The following ARHGEF37 variants were observed in gnomAD, a reference collection of about 807,000 sequenced individuals.
ARHGEF37 encodes the protein Rho guanine nucleotide exchange factor (GEF) 37.
ARHGEF37 carries 55 observed loss-of-function variants against 71.1 expected under a neutral mutation model. The ratio of observed to expected loss-of-function variants is 0.77; its 90% CI spans 0.62 to 0.97. ARHGEF37 has a LOEUF of 0.97. Among genes scored for constraint, ARHGEF37 ranks in the 50% least tolerant of loss-of-function variants. The probability of loss-of-function intolerance (pLI) is 0.00; values close to 1 mark genes in which losing one functional copy is unlikely to be tolerated. For missense variants in ARHGEF37, 765 were observed against 836.8 expected (o/e 0.91, Z 1.06); for synonymous variants, 327 against 350.6 (o/e 0.93, Z 0.75).
chr5:149,629,017 G>A (rs1348796344), intron 12 of ARHGEF37, 51 bp downstream of exon 12: 3 of 1,566,044 alleles, frequency 1.9e-6, no homozygotes, highest in African/African-American at 2.7e-5. Context: ...CATCCGGACT[G>A]TGGCTTGGAT....
chr5:149,618,214 G>T lies in ARHGEF37; in HGVS notation c.697G>T (p.Glu233Ter). 1 of 1,614,206 alleles carries T rather than the reference G, an allele frequency of 6.2e-7. No individual in the cohort carries two copies. Among genetic ancestry groups the T allele is most frequent in the South Asian group, 1.1e-5 (1 of 91,082 alleles). The part of the protein sequence containing the change: ...YTKVEQLTLR[E>*]RLARINTHTL... ...CAAGGTAGAGCAGCTGACCCTCCGG[G>T]AGCGGCTGGCCCGCATCAACACACA... Residue 233 changes from glutamate (E) to a stop codon, truncating the protein, a stop_gained, in exon 6 of 13, where the codon GAG becomes TAG. Transcript: ENST00000333677. LOFTEE classifies it high-confidence loss of function.
intron 1 of ARHGEF37, among the ~76,000 whole-genome samples, chr5:149,554,703 CCTT>C (rs1348385132): frequency 6.6e-6 from 1 of 150,976 alleles, no homozygotes; most frequent in African/African-American, 2.4e-5. Flanking sequence ...TATGACTCAG[CCTT>C]CTTCTTAAAG....
chr5:149,625,039 C>T (rs1752645528), intron 10 of ARHGEF37, among the ~76,000 whole-genome samples: 1 of 151,210 alleles, frequency 6.6e-6, no homozygotes, highest in African/African-American at 2.4e-5. Flanking sequence ...GCTGGGATTA[C>T]AGGCACCCAC....
At chr5:149,554,219 C>A (rs888832596) in intron 1 of ARHGEF37, among the ~76,000 whole-genome samples, 2 of 152,150 alleles carry the variant, frequency 1.3e-5, no homozygotes, top group Non-Finnish European at 2.9e-5. Context: ...AATCCCAACA[C>A]TTTGGGAGGC....
intron 11 of ARHGEF37, 27 bp from the exon 12 acceptor site, chr5:149,628,782 C>T: frequency 1.3e-6 from 2 of 1,596,398 alleles, no homozygotes; most frequent in Non-Finnish European, 1.7e-6. Context: ...TGGCCCGCAG[C>T]CTGCTAACCT....
At chr5:149,587,791 G>A (rs927626716) in intron 1 of ARHGEF37, among the ~76,000 whole-genome samples, 2 of 152,034 alleles carry the variant, frequency 1.3e-5, no homozygotes, top group Non-Finnish European at 2.9e-5. Context: ...CTTTGTACAG[G>A]ATCCTCCCTT....
intron 3 of ARHGEF37, among the ~76,000 whole-genome samples, chr5:149,602,279 A>C (rs1191450640): frequency 6.6e-6 from 1 of 151,678 alleles, no homozygotes; most frequent in African/African-American, 2.4e-5. Context: ...CTTGTCTTGA[A>C]CTCATGACCT....
At chr5:149,558,121 C>T (rs2113229027) in intron 1 of ARHGEF37, among the ~76,000 whole-genome samples, 1 of 152,264 alleles carries the variant, frequency 6.6e-6, no homozygotes, top group African/African-American at 2.4e-5. Flanking sequence ...ATCCACCTGA[C>T]TTGGCCTCCC....
chr5:149,562,751 C>T (rs1218063125), intron 1 of ARHGEF37, among the ~76,000 whole-genome samples: 1 of 152,192 alleles, frequency 6.6e-6, no homozygotes. Context: ...CGGCCAAGAA[C>T]ACCAGCTTTT....
At chr5:149,601,374 T>C in intron 3 of ARHGEF37, 143 bp downstream of exon 3, 1 of 996,794 alleles carries the variant, frequency 1.0e-6, no homozygotes, top group South Asian at 2.0e-5. Flanking sequence ...AAACACAACA[T>C]ATCAGAGCCA....
At chr5:149,613,373 G>A (rs938368873) in intron 4 of ARHGEF37, among the ~76,000 whole-genome samples, 2 of 148,872 alleles carry the variant, frequency 1.3e-5, no homozygotes, top group African/African-American at 5.0e-5. Context: ...TTGAGACGGA[G>A]TTTTGCTCTG....
At chr5:149,609,415 C>T in intron 3 of ARHGEF37, 133 bp from the exon 4 acceptor site, 2 of 945,318 alleles carry the variant, frequency 2.1e-6, no homozygotes, top group Admixed American at 2.1e-5. Context: ...AGGTCATTTG[C>T]CCATGGTGAC....
At chr5:149,588,629 A>G (rs1289245981) in intron 1 of ARHGEF37, among the ~76,000 whole-genome samples, 3 of 152,104 alleles carry the variant, frequency 2.0e-5, no homozygotes, top group Admixed American at 6.5e-5. Context: ...CTTTGCTCTC[A>G]TGATGTCTGA....
At chr5:149,557,838 T>C (rs1178585745) in intron 1 of ARHGEF37, among the ~76,000 whole-genome samples, 2 of 152,118 alleles carry the variant, frequency 1.3e-5, no homozygotes, top group East Asian at 1.9e-4. Flanking sequence ...TTCTAAAGAT[T>C]GGTAAGTTCT....
chr5:149,620,304 G>A lies in ARHGEF37; in HGVS notation c.895-50G>A, dbSNP rs896297621. 3 of 1,332,502 alleles carry A rather than the reference G, an allele frequency of 2.3e-6. No homozygotes were observed. The African/African-American group carries it at 5.2e-5, about 23-fold the overall frequency. 82.5% of individuals were successfully genotyped at this position (1,332,502 alleles called of 1,614,324 possible). On this transcript the variant is annotated intron_variant, in intron 7 of 12. Transcript: ENST00000333677. Reference sequence around the variant, plus strand: ...ATGGTGGAAGGGGATTCCAGCGTAAGATGGCCATGACAGGCATGATTGGAT... The same window carrying A: ...ATGGTGGAAGGGGATTCCAGCGTAAAATGGCCATGACAGGCATGATTGGAT...
At chr5:149,558,829 A>T (rs1762790336) in intron 1 of ARHGEF37, among the ~76,000 whole-genome samples, 1 of 152,054 alleles carries the variant, frequency 6.6e-6, no homozygotes, top group Admixed American at 6.6e-5. Context: ...AAATCGGAAA[A>T]AAACAAAAAT....
intron 1 of ARHGEF37, among the ~76,000 whole-genome samples, chr5:149,561,485 C>T (rs761868013): frequency 2.0e-5 from 3 of 151,996 alleles, no homozygotes; most frequent in African/African-American, 7.3e-5. Context: ...GAAATAATGC[C>T]GGAGGCTTTA....
At chr5:149,607,718 T>G (rs1358162448) in intron 3 of ARHGEF37, among the ~76,000 whole-genome samples, 1 of 150,772 alleles carries the variant, frequency 6.6e-6, no homozygotes, top group Non-Finnish European at 1.5e-5. Flanking sequence ...TCTCACAAAG[T>G]ACATTCTCAA....
At chr5:149,605,033 C>G (rs1398794745) in intron 3 of ARHGEF37, among the ~76,000 whole-genome samples, 2 of 151,660 alleles carry the variant, frequency 1.3e-5, no homozygotes, top group African/African-American at 4.8e-5. Context: ...TCGAGACCAG[C>G]TTGGCCAACA....
Sources: gnomAD v4.1 joint callset for allele counts (sites outside exome capture counted in the v4.1 genomes callset) on GRCh38, gnomAD v4.1.1 for gene constraint, MANE v1.5 for transcripts, NCBI Gene and HGNC (gene_info 2026-07-23, HGNC 2026-07-21) for gene names.